Variants in IPO7 observed in about 807,000 individuals in gnomAD.
IPO7 encodes the protein importin 7.
IPO7 carries 13 observed loss-of-function variants against 136.4 expected under a neutral mutation model. The observed-to-expected ratio is 0.10, with a 90% CI of 0.06 to 0.15. IPO7 has a LOEUF of 0.15. Ranked by LOEUF, IPO7 falls within the 10% of genes least tolerant of loss-of-function variation. The pLI is 1.00. For missense variants in IPO7, 857 were observed against 1,240.6 expected (o/e 0.69, Z 4.65); for synonymous variants, 403 against 404.4 (o/e 1.00, Z 0.04).
chr11:9,426,928 G>T (rs1324646087), intron 12 of IPO7, among the ~76,000 whole-genome samples: 1 of 151,412 alleles, frequency 6.6e-6, no homozygotes, highest in Non-Finnish European at 1.5e-5. Flanking sequence ...CCATATGCTG[G>T]AGTGCAGTGG....
At chr11:9,399,333 G>T (rs888732268) in intron 1 of IPO7, among the ~76,000 whole-genome samples, 4 of 152,038 alleles carry the variant, frequency 2.6e-5, no homozygotes, top group African/African-American at 9.7e-5. Flanking sequence ...GGCTAATTTT[G>T]TATTTTTAGT....
intron 3 of IPO7, 64 bp downstream of exon 3, chr11:9,408,703 G>GTT (rs1782949167): frequency 9.2e-5 from 38 of 411,310 alleles, no homozygotes; most frequent in South Asian, 3.7e-4. Context: ...TTTGTTTTTT[G>GTT]GTTTTTTTTT....
chr11:9,435,274 C>G (rs1855353653), intron 19 of IPO7, among the ~76,000 whole-genome samples: 1 of 130,766 alleles, frequency 7.6e-6, no homozygotes, highest in Non-Finnish European at 1.8e-5. Flanking sequence ...CGGAGTTTAA[C>G]TAACATAGTC....
At chr11:9,442,626 G>A (rs962115000) in intron 24 of IPO7, among the ~76,000 whole-genome samples, 2 of 152,052 alleles carry the variant, frequency 1.3e-5, no homozygotes, top group African/African-American at 4.8e-5. Flanking sequence ...TGTTAGCCAG[G>A]ATGGTATCAA....
chr11:9,413,496 T>A (rs918815806), intron 4 of IPO7, among the ~76,000 whole-genome samples: 5 of 151,870 alleles, frequency 3.3e-5, no homozygotes, highest in African/African-American at 1.2e-4. Context: ...TTATTATTTA[T>A]AATTTATACA....
At chr11:9,425,905 G>A (rs1855198902) in intron 12 of IPO7, among the ~76,000 whole-genome samples, 1 of 151,408 alleles carries the variant, frequency 6.6e-6, no homozygotes, top group East Asian at 1.9e-4. Context: ...AATCAGCTGG[G>A]CATGGTGGTG....
rs763498810 is a variant in IPO7, at chr11:9,408,506, A to T, written c.187A>T (p.Met63Leu). The T allele has an allele frequency of 6.4e-7, 1 of 1,570,584 alleles. No homozygotes were observed. The highest frequency in any genetic ancestry group is 8.6e-7 in the Non-Finnish European group (1 of 1,162,770). The change falls in exon 3 of 25, where the codon ATG becomes TTG. Residue 63 changes from methionine to leucine, a missense_variant. This residue lies in a region of IPO7 where 287 missense variants were observed against 307.5 expected (regional missense o/e 0.93). Coordinates refer to ENST00000379719, the MANE Select transcript of IPO7 (RefSeq NM_006391.3). Reference protein sequence around the residue: ...RQAGVIYLKNMITQYWPDRET... With the variant: ...RQAGVIYLKNLITQYWPDRET... ...TTTAGGTGTTATCTATCTGAAAAAT[A>T]TGATAACACAGTATTGGCCTGATCG...
intron 4 of IPO7, among the ~76,000 whole-genome samples, chr11:9,410,716 G>C (rs1854956904): frequency 6.6e-6 from 1 of 152,204 alleles, no homozygotes; most frequent in Non-Finnish European, 1.5e-5. Context: ...CTAGAAAGTT[G>C]AGGTATAGCA....
Position 9,436,344 on chromosome 11 carries a change from G to A in IPO7, c.2246G>A (p.Cys749Tyr). The change falls in exon 20 of 25, where the codon TGC (cysteine) becomes TAC (tyrosine). Residue 749 changes from cysteine (C) to tyrosine (Y), a missense_variant. Cys to Tyr is a radical substitution (Grantham distance 194). Transcript: ENST00000379719. ...TTGTTAGAGGTCATCATTCTGCAGT[G>A]CAAAGGGCGTGGCATTGACCAGGTC... The part of the protein sequence containing the change: ...AKLLEVIILQ[C>Y]KGRGIDQCIP... The A allele has an allele frequency of 6.2e-7, 1 of 1,613,136 alleles. No individual in the cohort carries two copies. Among genetic ancestry groups the A allele is most frequent in the South Asian group, 1.1e-5 (1 of 91,034 alleles).
chr11:9,427,341 A>C (rs1012259781), intron 12 of IPO7, among the ~76,000 whole-genome samples: 5 of 148,016 alleles, frequency 3.4e-5, no homozygotes, highest in Non-Finnish European at 4.5e-5. Flanking sequence ...GCTTACTACA[A>C]CCTCCACCTC....
intron 4 of IPO7, among the ~76,000 whole-genome samples, chr11:9,410,328 A>G (rs916005107): frequency 6.6e-6 from 1 of 152,196 alleles, no homozygotes; most frequent in African/African-American, 2.4e-5. Flanking sequence ...TACCTATTCA[A>G]AAACTAAGTT....
chr11:9,402,594 T>C (rs1365161461), intron 1 of IPO7: 1 of 151,374 alleles, frequency 6.6e-6, no homozygotes, highest in Non-Finnish European at 1.5e-5. Flanking sequence ...GCACAGTGGC[T>C]CACACGTGTA....
intron 1 of IPO7, among the ~76,000 whole-genome samples, chr11:9,395,915 G>A (rs1482006910): frequency 6.6e-6 from 1 of 150,788 alleles, no homozygotes; most frequent in Non-Finnish European, 1.5e-5. Context: ...TAAAGATGGG[G>A]TTTTACCATG....
In IPO7 at chr11:9,446,248, G is replaced by T. The variant is rs1295496233; in HGVS notation, c.*1054G>T. 2 of 152,160 alleles carry T rather than the reference G, an allele frequency of 1.3e-5. No individual in the cohort carries two copies. Among genetic ancestry groups the T allele is most frequent in the African/African-American group, 2.4e-5 (1 of 41,440 alleles). The allele number at this position is 152,160 out of a possible 1,614,324, so 9.4% of individuals were successfully genotyped here. A position where few individuals can be genotyped will look rare whatever the true frequency, so the allele number is the denominator to read the frequency against. Reference sequence around the variant, plus strand: ...GCTATTATGTCTTGATTTGATTGCAGTTTTTTCCTAATTATAACAAATTTT... The same window carrying T: ...GCTATTATGTCTTGATTTGATTGCATTTTTTTCCTAATTATAACAAATTTT... On this transcript the variant is annotated 3_prime_UTR_variant, in exon 25 of 25. Transcript: ENST00000379719.
intron 1 of IPO7, chr11:9,392,452 G>A (rs1394813270): frequency 5.6e-6 from 1 of 179,814 alleles, no homozygotes; most frequent in African/African-American, 2.4e-5. Flanking sequence ...ACAGGTGTGA[G>A]CCACTGTGCC....
At chr11:9,420,363 C>A in intron 6 of IPO7, 48 bp from the exon 7 acceptor site, 5 of 1,192,580 alleles carry the variant, frequency 4.2e-6, no homozygotes, top group Admixed American at 3.7e-5. Context: ...TCATGCTGTT[C>A]CTCCTATATT....
intron 4 of IPO7, 119 bp downstream of exon 4, chr11:9,410,205 T>C: frequency 1.6e-6 from 1 of 620,250 alleles, no homozygotes; most frequent in Non-Finnish European, 2.4e-6. Context: ...GTGAATTATA[T>C]GGTAATTTCA....
chr11:9,397,341 A>ATATATATATATATAT (rs1554952648), intron 1 of IPO7, among the ~76,000 whole-genome samples: 2 of 10,762 alleles, frequency 1.9e-4, no homozygotes, highest in Non-Finnish European at 3.7e-4. Context: ...TTTAAAAAAA[A>ATATATATATATATAT]ATATATATAT....
Position 9,420,782 on chromosome 11 carries a change from A to G in IPO7, c.906+84A>G, listed in dbSNP as rs1855115870. The G allele has an allele frequency of 1.1e-5, 10 of 937,288 alleles. No individual in the cohort carries two copies. The South Asian group carries it at 1.3e-4, about 12-fold the overall frequency. The allele number at this position is 937,288 out of a possible 1,614,324, so 58.1% of individuals were successfully genotyped here. ...ATTGCTTATTCCCAGTTTCTTTGAC[A>G]TCTAAAGAGTGCCTGTTTGGACCCT... On this transcript the variant is annotated intron_variant, in intron 8 of 24. Coordinates refer to ENST00000379719, the MANE Select transcript of IPO7 (RefSeq NM_006391.3).
Sources: gnomAD v4.1 joint callset for allele counts (sites outside exome capture counted in the v4.1 genomes callset) on GRCh38, gnomAD v4.1.1 for gene constraint, gnomAD v4.1.1 regional missense constraint, MANE v1.5 for transcripts, NCBI Gene and HGNC (gene_info 2026-07-23, HGNC 2026-07-21) for gene names.